GALNT14: variants seen among roughly 807,000 people sequenced by gnomAD.
GALNT14 encodes polypeptide N-acetylgalactosaminyltransferase 14, also known as UDP-GalNAc:polypeptide N-acetylgalactosaminyltransferase 14.
Under a neutral mutation model 77.5 loss-of-function variants are expected in GALNT14, and 60 were observed. The observed-to-expected ratio is 0.77, with a 90% CI of 0.63 to 0.96. The LOEUF (loss-of-function observed/expected upper bound fraction) is 0.96. GALNT14 is among the 40% of genes least tolerant of loss of function. The pLI, the probability that GALNT14 is intolerant of heterozygous loss-of-function variation, is 0.00. For synonymous variants in GALNT14, 280 were observed against 281.7 expected, an observed-to-expected ratio of 0.99 and a Z score of 0.06; for missense variants, 710 against 731.0, an observed-to-expected ratio of 0.97 and a Z score of 0.33.
intron 1 of GALNT14, among the ~76,000 whole-genome samples, chr2:31,045,637 A>AT (rs1375831970): frequency 6.6e-6 from 1 of 151,896 alleles, no homozygotes. Flanking sequence ...TAATTTTTGC[A>AT]TTTTTTGTAG....
intron 1 of GALNT14, among the ~76,000 whole-genome samples, chr2:31,002,287 G>A (rs375260675): frequency 7.4e-4 from 113 of 152,106 alleles, no homozygotes; most frequent in African/African-American, 2.4e-3. Context: ...AAAATTACCC[G>A]GGCGTGGTGA....
At chr2:30,993,117 G>A in intron 1 of GALNT14, 110 bp from the exon 2 acceptor site, 1 of 1,178,248 alleles carries the variant, frequency 8.5e-7, no homozygotes, top group African/African-American at 1.5e-5. Flanking sequence ...GGCAAGGTTT[G>A]GCTCAAAGAT....
At chr2:30,960,833 C>T (rs954688447) in intron 3 of GALNT14, among the ~76,000 whole-genome samples, 2 of 152,194 alleles carry the variant, frequency 1.3e-5, no homozygotes, top group Admixed American at 1.3e-4. Context: ...TCGTCCAGGC[C>T]CAGCAGAGGA....
intron 1 of GALNT14, among the ~76,000 whole-genome samples, chr2:31,008,550 CT>C (rs1439249561): frequency 1.3e-5 from 2 of 152,158 alleles, no homozygotes; most frequent in African/African-American, 4.8e-5. Context: ...GTCTCCAGTC[CT>C]GTCAAAGAGT....
chr2:30,920,210 T>C (rs1251301778), intron 13 of GALNT14, among the ~76,000 whole-genome samples: 1 of 152,220 alleles, frequency 6.6e-6, no homozygotes, highest in Non-Finnish European at 1.5e-5. Flanking sequence ...TTCACCGTTA[T>C]TGGTAGGATA....
chr2:30,917,431 C>T (rs1053403412), intron 13 of GALNT14, among the ~76,000 whole-genome samples: 65 of 152,320 alleles, frequency 4.3e-4, no homozygotes, highest in Non-Finnish European at 8.7e-4. Flanking sequence ...AGGGCTTGGG[C>T]TCTGCAGGTG....
chr2:31,052,267 C>G (rs1332657487), intron 1 of GALNT14, among the ~76,000 whole-genome samples: 1 of 152,172 alleles, frequency 6.6e-6, no homozygotes. Flanking sequence ...AAGTCCTTGT[C>G]TCCCTGTACT....
At chr2:30,961,113 A>G (rs1667666813) in intron 3 of GALNT14, among the ~76,000 whole-genome samples, 2 of 152,210 alleles carry the variant, frequency 1.3e-5, no homozygotes, top group Non-Finnish European at 2.9e-5. Context: ...ACCACCCACT[A>G]ACTGTGCAAT....
chr2:30,899,005 G>A, the GALNT14 span, among the ~76,000 whole-genome samples: 16 of 152,274 alleles, frequency 1.1e-4, no homozygotes, highest in African/African-American at 3.1e-4. Context: ...GAGCTGAAGC[G>A]CAGGCTTGCA....
chr2:31,050,981 G>A (rs984274088), intron 1 of GALNT14, among the ~76,000 whole-genome samples: 1 of 152,104 alleles, frequency 6.6e-6, no homozygotes, highest in Admixed American at 6.5e-5. Flanking sequence ...CCACAGAGAT[G>A]AAGTCAAGGA....
At chr2:31,015,297 GA>G (rs57122032) in intron 1 of GALNT14, among the ~76,000 whole-genome samples, 4,130 of 120,968 alleles carry the variant, frequency 0.034, 154 homozygotes, top group African/African-American at 0.11. Flanking sequence ...CATCTCAAAG[GA>G]AAAAAAAAAA....
intron 1 of GALNT14, among the ~76,000 whole-genome samples, chr2:31,049,393 G>T (rs753681123): frequency 2.0e-5 from 3 of 152,196 alleles, no homozygotes; most frequent in Non-Finnish European, 2.9e-5. Context: ...GCTCCTGAAC[G>T]CTCCCAGCCA....
intron 2 of GALNT14, among the ~76,000 whole-genome samples, chr2:30,972,426 C>T (rs1303576762): frequency 6.6e-6 from 1 of 152,206 alleles, no homozygotes; most frequent in Non-Finnish European, 1.5e-5. Flanking sequence ...ACGGTATCCA[C>T]CTCCTGGAAA....
intron 1 of GALNT14, among the ~76,000 whole-genome samples, chr2:31,052,006 C>T (rs1222972131): frequency 1.3e-5 from 2 of 152,110 alleles, no homozygotes; most frequent in Admixed American, 6.5e-5. Context: ...ACAGCATTTC[C>T]TCAGTGGTGA....
chr2:31,010,579 C>T (rs1670967244), intron 1 of GALNT14, among the ~76,000 whole-genome samples: 1 of 152,320 alleles, frequency 6.6e-6, no homozygotes, highest in South Asian at 2.1e-4. Context: ...TGCGCCACTG[C>T]ACTCCAGCCT....
chr2:31,078,859 G>A, intron 1 of GALNT14: 3 of 1,235,468 alleles, frequency 2.4e-6, no homozygotes, highest in Non-Finnish European at 3.2e-6. Flanking sequence ...AGGCACAGGA[G>A]AGCAGGGGAA....
chr2:30,938,313 A>ACACG (rs1261900682), intron 9 of GALNT14, among the ~76,000 whole-genome samples: 33 of 150,666 alleles, frequency 2.2e-4, no homozygotes, highest in Admixed American at 1.3e-3. Flanking sequence ...CACCCTACAC[A>ACACG]CACACACACA....
intron 2 of GALNT14, chr2:30,991,183 G>C (rs1669673706): frequency 6.6e-6 from 1 of 152,160 alleles, no homozygotes; most frequent in African/African-American, 2.4e-5. Context: ...AGCAGTCACA[G>C]GTGTCTCTCG....
chr2:30,958,658 C>T (rs1005563916), intron 3 of GALNT14, among the ~76,000 whole-genome samples, 194 bp from the exon 4 acceptor site: 19 of 152,142 alleles, frequency 1.2e-4, no homozygotes, highest in Non-Finnish European at 4.4e-5. Flanking sequence ...TGAATACCTC[C>T]ACCACCCGCA....
Sources: allele counts gnomAD v4.1 joint callset (sites outside exome capture counted in the v4.1 genomes callset), GRCh38; gene constraint gnomAD v4.1.1; transcripts MANE v1.5; gene names NCBI Gene and HGNC (gene_info 2026-07-23, HGNC 2026-07-21).